Variants in CTNNA3 observed in about 807,000 individuals in gnomAD.
CTNNA3 encodes catenin alpha-3.
A neutral mutation model predicts 95.7 loss-of-function variants in CTNNA3; 76 were observed. The ratio of observed to expected loss-of-function variants is 0.79; its 90% CI spans 0.66 to 0.96. The LOEUF (loss-of-function observed/expected upper bound fraction) is 0.96. Ranked by LOEUF, CTNNA3 falls within the 40% of genes least tolerant of loss-of-function variation. The pLI is 0.00. For missense variants in CTNNA3, 1,191 were observed against 1,089.8 expected (o/e 1.09, Z -1.31); for synonymous variants, 431 against 374.4 (o/e 1.15, Z -1.74).
intron 5 of CTNNA3, among the ~76,000 whole-genome samples, chr10:67,257,319 A>G (rs780350010): frequency 6.6e-6 from 1 of 152,256 alleles, no homozygotes; most frequent in African/African-American, 2.4e-5. Context: ...AGAATAAAGT[A>G]TGTAAAGACT....
At chr10:66,836,176 T>C (rs1240858791) in intron 7 of CTNNA3, among the ~76,000 whole-genome samples, 1 of 152,126 alleles carries the variant, frequency 6.6e-6, no homozygotes, top group Non-Finnish European at 1.5e-5. Context: ...AGCTGAGAGT[T>C]AGGTAGAGGT....
At chr10:66,263,095 G>A (rs774709259) in intron 13 of CTNNA3, among the ~76,000 whole-genome samples, 3 of 151,968 alleles carry the variant, frequency 2.0e-5, no homozygotes, top group Non-Finnish European at 2.9e-5. Context: ...GGTTGGAAGA[G>A]GAAACACAGG....
Position 66,594,232 on chromosome 10 carries a change from T to A in CTNNA3, c.1374+27460A>T, listed in dbSNP as rs146215204. ...CCCTTTTAGCACATTCTACATCCACTAATTCCTATTACCACTCTTTCCAAA... is the reference window on the plus strand; with the variant it reads ...CCCTTTTAGCACATTCTACATCCACAAATTCCTATTACCACTCTTTCCAAA... On this transcript the variant is annotated intron_variant, in intron 10 of 17. Transcript: ENST00000433211. Among the ~76,000 whole-genome samples, 268 of 152,226 alleles carry A rather than the reference T, an allele frequency of 1.8e-3. 1 individual carries two copies. Among genetic ancestry groups the A allele is most frequent in the African/African-American group, 5.8e-3 (242 of 41,536 alleles).
chr10:67,582,786 T>A (rs1842455347), intron 3 of CTNNA3, among the ~76,000 whole-genome samples: 1 of 152,172 alleles, frequency 6.6e-6, no homozygotes, highest in South Asian at 2.1e-4. Context: ...GCTCTTCTTG[T>A]TGAATTGATC....
chr10:67,160,307 T>C (rs1451798319), intron 7 of CTNNA3, among the ~76,000 whole-genome samples: 3 of 152,146 alleles, frequency 2.0e-5, no homozygotes, highest in Non-Finnish European at 4.4e-5. Flanking sequence ...GAAAACAGCA[T>C]GGCATTTCCT....
chr10:66,304,738 G>A (rs2091909140), intron 12 of CTNNA3, among the ~76,000 whole-genome samples: 2 of 152,078 alleles, frequency 1.3e-5, no homozygotes, highest in South Asian at 4.1e-4. Flanking sequence ...TAAGTATTAT[G>A]TTGTATTGAC....
intron 12 of CTNNA3, among the ~76,000 whole-genome samples, chr10:66,310,734 T>A (rs2092007658): frequency 1.3e-5 from 2 of 150,496 alleles, no homozygotes; most frequent in Non-Finnish European, 3.0e-5. Context: ...TCTCCCAGGC[T>A]GGAGTGCAGT....
chr10:65,952,599 G>A (rs528950208), intron 17 of CTNNA3, among the ~76,000 whole-genome samples: 10 of 151,880 alleles, frequency 6.6e-5, no homozygotes, highest in Admixed American at 6.6e-4. Context: ...ATTGCAGTAG[G>A]TTCAGAAAGC....
intron 3 of CTNNA3, among the ~76,000 whole-genome samples, chr10:67,550,588 T>A (rs931906882): frequency 8.0e-5 from 12 of 150,790 alleles, no homozygotes; most frequent in Non-Finnish European, 1.8e-4. Flanking sequence ...GAAATTCTTT[T>A]TTTAAAGAAT....
chr10:66,335,957 C>T (rs1383583082), intron 12 of CTNNA3, among the ~76,000 whole-genome samples: 2 of 152,132 alleles, frequency 1.3e-5, no homozygotes, highest in Admixed American at 6.5e-5. Flanking sequence ...AGCCTTGCTG[C>T]TGCCTTGCAG....
intron 3 of CTNNA3, among the ~76,000 whole-genome samples, chr10:67,581,129 C>G (rs1842378103): frequency 6.6e-6 from 1 of 152,148 alleles, no homozygotes; most frequent in Non-Finnish European, 1.5e-5. Context: ...GTATCCCTGT[C>G]TTGTGCTCGT....
intron 7 of CTNNA3, among the ~76,000 whole-genome samples, chr10:67,093,903 C>T (rs998777640): frequency 1.3e-5 from 2 of 151,858 alleles, no homozygotes; most frequent in South Asian, 2.1e-4. Context: ...TTGAAAGGGA[C>T]GGATAATCTC....
chr10:67,754,313 G>A (rs1468952253), intron 1 of CTNNA3, among the ~76,000 whole-genome samples: 3 of 152,140 alleles, frequency 2.0e-5, no homozygotes, highest in South Asian at 2.1e-4. Context: ...TCGGGGGGGC[G>A]TTGGGAGGGA....
At chr10:67,584,095 G>T (rs1842528713) in intron 3 of CTNNA3, among the ~76,000 whole-genome samples, 1 of 152,154 alleles carries the variant, frequency 6.6e-6, no homozygotes, top group Admixed American at 6.5e-5. Flanking sequence ...ATCCAGCTTT[G>T]TTCCGTTGCT....
chr10:66,940,502 A>G (rs952890920), intron 7 of CTNNA3, among the ~76,000 whole-genome samples: 6 of 152,148 alleles, frequency 3.9e-5, no homozygotes, highest in African/African-American at 7.2e-5. Context: ...TTTTGCATAG[A>G]GTGTCTCATG....
At chr10:66,275,902 T>A (rs2091386128) in intron 13 of CTNNA3, among the ~76,000 whole-genome samples, 1 of 151,936 alleles carries the variant, frequency 6.6e-6, no homozygotes, top group Non-Finnish European at 1.5e-5. Context: ...ATTGAGAAAG[T>A]TATATTTAAT....
intron 9 of CTNNA3, among the ~76,000 whole-genome samples, chr10:66,687,718 T>C (rs56148548): frequency 0.57 from 81,709 of 142,626 alleles, 23,221 homozygotes; most frequent in African/African-American, 0.7. Context: ...TATATATATA[T>C]ACACACACAC....
At chr10:67,324,018 T>A (rs529756561) in intron 5 of CTNNA3, among the ~76,000 whole-genome samples, 1 of 152,248 alleles carries the variant, frequency 6.6e-6, no homozygotes, top group South Asian at 2.1e-4. Flanking sequence ...CTCAGCTTGA[T>A]TGTTGTTGGT....
intron 11 of CTNNA3, among the ~76,000 whole-genome samples, chr10:66,431,192 T>C (rs1406692758): frequency 2.0e-5 from 3 of 152,106 alleles, no homozygotes; most frequent in Non-Finnish European, 4.4e-5. Context: ...AAAACCACAA[T>C]GAGACATCGT....
Sources: allele counts gnomAD v4.1 joint callset (sites outside exome capture counted in the v4.1 genomes callset), GRCh38; gene constraint gnomAD v4.1.1; transcripts MANE v1.5; gene names NCBI Gene and HGNC (gene_info 2026-07-23, HGNC 2026-07-21).